The following IRS2 variants were observed in gnomAD, a reference collection of about 807,000 sequenced individuals.
IRS2 encodes the protein insulin receptor substrate 2.
In IRS2, 28 loss-of-function variants were observed where a neutral mutation model predicts 70.9. The observed-to-expected ratio is 0.39, with a 90% CI of 0.29 to 0.54. IRS2 has a LOEUF of 0.54. IRS2 is among the 20% of genes least tolerant of loss of function. The probability of loss-of-function intolerance (pLI) is 0.59; values close to 1 mark genes in which losing one functional copy is unlikely to be tolerated. For missense variants in IRS2, 2,081 were observed against 2,024.1 expected (o/e 1.03, Z -0.54); for synonymous variants, 1,217 against 981.9 (o/e 1.24, Z -4.48).
chr13:109,778,422 G>T lies in IRS2; in HGVS notation c.4012+3620C>A, dbSNP rs145349335. Among the ~76,000 whole-genome samples, 2 of 152,158 alleles carry T rather than the reference G, an allele frequency of 1.3e-5. 1 individual carries two copies. Among genetic ancestry groups the T allele is most frequent in the South Asian group, 4.1e-4 (2 of 4,826 alleles). On this transcript the variant is annotated intron_variant, in intron 1 of 1. Transcript: ENST00000375856. ...ATGTGACTTTCATTCACGAAAGCCG[G>T]TGTGTGTTTTCATTAGCACCTTAGT... is the stretch of plus-strand genomic sequence containing the variant.
intron 1 of IRS2, among the ~76,000 whole-genome samples, chr13:109,769,110 C>T (rs1028201727): frequency 6.6e-6 from 1 of 152,146 alleles, no homozygotes; most frequent in African/African-American, 2.4e-5. Flanking sequence ...GGTACCTCAG[C>T]GTCTTCATTC....
intron 1 of IRS2, among the ~76,000 whole-genome samples, chr13:109,780,247 A>C (rs1228182629): frequency 6.6e-6 from 1 of 152,188 alleles, no homozygotes; most frequent in Non-Finnish European, 1.5e-5. Flanking sequence ...CAGACCATAA[A>C]TATGTGTGTT....
Position 109,784,665 on chromosome 13 carries a change from GGGC to G in IRS2, c.1386_1388del (p.Pro463del), listed in dbSNP as rs2138936499. 8.0e-7 allele frequency: 1 copy of G among 1,243,746 alleles called. No individual in the cohort carries two copies. Among genetic ancestry groups the G allele is most frequent in the South Asian group, 3.6e-5 (1 of 28,100 alleles). The allele number at this position is 1,243,746 out of a possible 1,614,324, so 77.0% of individuals were successfully genotyped here. Reference sequence around the variant, plus strand: ...GATGCGGCAGAGGCGGGTGCGGGCCGGGCGGCGGCGGGTAGGAGCCCGAGCCGT... The same window carrying G: ...GATGCGGCAGAGGCGGGTGCGGGCCGGGCGGCGGGTAGGAGCCCGAGCCGT... On this transcript the variant is annotated inframe_deletion, in exon 1 of 2. Transcript: ENST00000375856. This position sits in a 1 kb window ranked among gnomAD's most constrained non-coding sequence, Gnocchi z 5.2.
At position 109,784,374 on chromosome 13, in the gene IRS2, C is replaced by A. The variant is rs1223796684; in HGVS notation, c.1680G>T (p.Ser560=). 1 of 1,610,114 alleles carries A rather than the reference C, an allele frequency of 6.2e-7. No individual in the cohort carries two copies. The highest frequency in any genetic ancestry group is 8.5e-7 in the Non-Finnish European group (1 of 1,179,422). ...SHCGRSYRRV[S]GDAAQDLDRG... ...GGTCCAGGTCCTGGGCCGCGTCCCC[C>A]GAGACCCGGCGGTAGGAGCGGCCAC... The change falls in exon 1 of 2, where the codon TCG becomes TCT. Residue 560 remains serine, a synonymous_variant. Transcript: ENST00000375856. This position sits in a 1 kb window ranked among gnomAD's most constrained non-coding sequence, Gnocchi z 5.2.
At chr13:109,761,811 G>A (rs1405246306) in intron 1 of IRS2, among the ~76,000 whole-genome samples, 1 of 152,100 alleles carries the variant, frequency 6.6e-6, no homozygotes, top group Non-Finnish European at 1.5e-5. Context: ...CACTTCCACT[G>A]ACAATTAAAA....
intron 1 of IRS2, among the ~76,000 whole-genome samples, chr13:109,769,827 T>C (rs2138918783): frequency 6.6e-6 from 1 of 152,332 alleles, no homozygotes; most frequent in East Asian, 1.9e-4. Context: ...TATGCAACAA[T>C]TGTCATCTTT....
At position 109,782,555 on chromosome 13, in the gene IRS2, G is replaced by A; in HGVS notation, c.3499C>T (p.His1167Tyr). Residue 1167 changes from histidine to tyrosine, a missense_variant, in exon 1 of 2, where the codon CAC becomes TAC. Physicochemically the swap from His to Tyr is moderately conservative, Grantham distance 83 (BLOSUM62 2). This residue lies in a region of IRS2 where 1,615 missense variants were observed against 1,459.5 expected (regional missense o/e 1.11). Transcript: ENST00000375856. ...GCCGAGTTGTGGCGCTTGGGGTTGT[G>A]GGCGAAGGACGGGGACACGGGGGTG... The part of the protein sequence containing the change: ...TVTPVSPSFA[H>Y]NPKRHNSASV... 6.4e-7 allele frequency: 1 copy of A among 1,564,658 alleles called. No individual in the cohort carries two copies. The highest frequency in any genetic ancestry group is 8.7e-7 in the Non-Finnish European group (1 of 1,154,934).
rs774481432 is a variant in IRS2, at chr13:109,783,611, T to C, written c.2443A>G (p.Thr815Ala). The C allele has an allele frequency of 7.1e-6, 11 of 1,548,466 alleles. No homozygotes were observed. Among genetic ancestry groups the C allele is most frequent in the Admixed American group, 5.8e-5 (3 of 51,352 alleles). Reference sequence around the variant, plus strand: ...TACTGGTCGCTGTCCCCGCCACAGGTGTAGGGGGCCTTGTAGGAGCGGGGC... The same window carrying C: ...TACTGGTCGCTGTCCCCGCCACAGGCGTAGGGGGCCTTGTAGGAGCGGGGC... ...SLPRSYKAPY[T>A]CGGDSDQYVL... Residue 815 changes from threonine to alanine, a missense_variant, in exon 1 of 2, where the codon ACC becomes GCC. Transcript: ENST00000375856.
At chr13:109,775,116 T>TTC (rs1282673086) in intron 1 of IRS2, among the ~76,000 whole-genome samples, 1 of 16,626 alleles carries the variant, frequency 6.0e-5, no homozygotes, top group African/African-American at 8.4e-5. Flanking sequence ...AAATCTTTCT[T>TTC]TTTTTTTTTT....
intron 1 of IRS2, among the ~76,000 whole-genome samples, chr13:109,767,149 G>A (rs530807592): frequency 6.6e-6 from 1 of 152,272 alleles, no homozygotes; most frequent in East Asian, 1.9e-4. Context: ...GTCCAGCAGG[G>A]TGCCCTGAGT....
intron 1 of IRS2, among the ~76,000 whole-genome samples, chr13:109,767,118 G>A (rs542291968): frequency 5.3e-5 from 8 of 152,272 alleles, no homozygotes; most frequent in Admixed American, 1.3e-4. Flanking sequence ...TAGAAACGTG[G>A]GCCCCAACTT....
intron 1 of IRS2, among the ~76,000 whole-genome samples, chr13:109,779,770 AACAGCAGCCCCAGTG>A (rs1482857498): frequency 6.6e-6 from 1 of 152,188 alleles, no homozygotes; most frequent in Non-Finnish European, 1.5e-5. Context: ...ACTTCGGACA[AACAGCAGCCCCAGTG>A]ATCTCTCATC....
At chr13:109,765,980 G>A (rs878953832) in intron 1 of IRS2, among the ~76,000 whole-genome samples, 57 of 25,186 alleles carry the variant, frequency 2.3e-3, no homozygotes, top group African/African-American at 3.4e-3. Context: ...ATCCACCCTG[G>A]CTCCGACTCC....
intron 1 of IRS2, among the ~76,000 whole-genome samples, chr13:109,780,160 G>T (rs1300213579): frequency 6.6e-6 from 1 of 152,108 alleles, no homozygotes; most frequent in East Asian, 1.9e-4. Context: ...TATGTTCTTG[G>T]CTGTTTTCTG....
chr13:109,756,383 C>T (rs1274222694), intron 1 of IRS2, 75 bp from the exon 2 acceptor site: 5 of 1,276,602 alleles, frequency 3.9e-6, no homozygotes, highest in South Asian at 2.4e-5. Flanking sequence ...AGAAAGGGCC[C>T]CTCTAACCCA....
At position 109,783,914 on chromosome 13, in the gene IRS2, A is replaced by C; in HGVS notation, c.2140T>G (p.Ser714Ala). The change falls in exon 1 of 2, where the codon TCT becomes GCT. Residue 714 changes from serine to alanine, a missense_variant. This residue lies in a region of IRS2 where 1,615 missense variants were observed against 1,459.5 expected (regional missense o/e 1.11). Transcript: ENST00000375856. Reference protein sequence around the residue: ...SAGPAGPAPTSAAGRTFPASG... With the variant: ...SAGPAGPAPTAAAGRTFPASG... The stretch of plus-strand genomic sequence containing the variant: ...GCCGGGAATGTCCTGCCCGCCGCAG[A>C]GGTGGGTGCTGGCCCCGCAGGCCCC... 6.5e-7 allele frequency: 1 copy of C among 1,544,300 alleles called. No individual in the cohort carries two copies. The highest frequency in any genetic ancestry group is 8.7e-7 in the Non-Finnish European group (1 of 1,145,886).
intron 1 of IRS2, among the ~76,000 whole-genome samples, chr13:109,767,629 A>G (rs926982660): frequency 1.3e-5 from 2 of 151,966 alleles, no homozygotes; most frequent in African/African-American, 4.8e-5. Context: ...CAGAATAGAC[A>G]GTAGTTCTGT....
In IRS2 at chr13:109,755,432, G is replaced by A. The variant is rs932171488; in HGVS notation, c.*872C>T. 3.6e-5 allele frequency: 8 copies of A among 222,900 alleles called. No homozygotes were observed. The highest frequency in any genetic ancestry group is 1.4e-3 in the Middle Eastern group (1 of 718). The allele number at this position is 222,900 out of a possible 1,614,324, so 13.8% of individuals were successfully genotyped here. On this transcript the variant is annotated 3_prime_UTR_variant, in exon 2 of 2. Coordinates refer to ENST00000375856, the MANE Select transcript of IRS2 (RefSeq NM_003749.3). ...TGAGCTTGTAAATAGAATAAAAGGC[G>A]TTTGCAATGTGAAGTACCTACATAA... is the stretch of plus-strand genomic sequence containing the variant.
Position 109,785,125 on chromosome 13 carries a change from C to A in IRS2, c.929G>T (p.Gly310Val). The change falls in exon 1 of 2, where the codon GGG (glycine) becomes GTG (valine). Residue 310 changes from glycine (G) to valine (V), a missense_variant. Physicochemically the swap from Gly to Val is moderately radical, Grantham distance 109. Transcript: ENST00000375856. This position sits in a 1 kb window ranked among gnomAD's most constrained non-coding sequence, Gnocchi z 9.3. ...FRPRSKSQSS[G>V]SSATHPISVP... is the part of the protein sequence containing the mutation. The stretch of plus-strand genomic sequence containing the variant: ...GCTGATGGGGTGCGTGGCCGACGAC[C>A]CCGACGATTGGCTCTTACTGCGCGG... The A allele has an allele frequency of 6.3e-7, 1 of 1,594,312 alleles. No individual in the cohort carries two copies. The highest frequency in any genetic ancestry group is 8.5e-7 in the Non-Finnish European group (1 of 1,171,346).
Sources: gnomAD v4.1 joint callset for allele counts (sites outside exome capture counted in the v4.1 genomes callset) on GRCh38, gnomAD v4.1.1 for gene constraint, gnomAD v4.1.1 regional missense constraint, Gnocchi (gnomAD v3.1) non-coding constraint, MANE v1.5 for transcripts, NCBI Gene and HGNC (gene_info 2026-07-23, HGNC 2026-07-21) for gene names.